Variants in ZBTB46 observed in about 807,000 individuals in gnomAD.
ZBTB46 encodes the protein zinc finger and BTB domain containing 46.
A neutral mutation model predicts 44.1 loss-of-function variants in ZBTB46; 8 were observed. The ratio of observed to expected loss-of-function variants is 0.18; its 90% CI spans 0.11 to 0.33. ZBTB46 has a LOEUF of 0.33. Ranked by LOEUF, ZBTB46 falls within the 10% of genes least tolerant of loss-of-function variation. The probability of loss-of-function intolerance (pLI) is 1.00; values close to 1 mark genes in which losing one functional copy is unlikely to be tolerated. For missense variants in ZBTB46, 651 were observed against 847.7 expected, an observed-to-expected ratio of 0.77 and a Z score of 2.88; for synonymous variants, 409 against 382.3, an observed-to-expected ratio of 1.07 and a Z score of -0.81.
chr20:63,815,627 C>CAGGTGCAGTGGGTACAGGTGGGCAT (rs1229506662), intron 1 of ZBTB46, among the ~76,000 whole-genome samples: 107 of 143,470 alleles, frequency 7.5e-4, no homozygotes, highest in African/African-American at 2.6e-3. Flanking sequence ...GCAGAAGGTG[C>CAGGTGCAGTGGGTACAGGTGGGCAT]AGGTGCAGTG....
Position 63,775,838 on chromosome 20 carries a change from G to A in ZBTB46, c.1062C>T (p.Thr354=). The change falls in exon 3 of 5, where the codon ACC becomes ACT. Residue 354 remains threonine, a synonymous_variant. Transcript: ENST00000245663. ...GEASYLGPPL[T]PEKDDALHQA... ...GATGCAGGGCGTCGTCCTTCTCTGG[G>A]GTGAGGGGAGGGCCCAGATAGCTGG... The A allele has an allele frequency of 6.2e-7, 1 of 1,613,526 alleles. No homozygotes were observed. The highest frequency in any genetic ancestry group is 8.5e-7 in the Non-Finnish European group (1 of 1,180,000).
Position 63,818,214 on chromosome 20 carries a change from C to T in ZBTB46, c.-34+12883G>A, listed in dbSNP as rs375996820. Among the ~76,000 whole-genome samples the T allele has an allele frequency of 3.8e-3, 575 of 152,348 alleles. 1 individual carries two copies. The highest frequency in any genetic ancestry group is 0.014 in the Middle Eastern group (4 of 294). ...CTGGGGTGAGAGCCACTGGCGCCATCCACGCTGCCCCTGCCAGGTGAGGCA... is the reference window on the plus strand; with the variant it reads ...CTGGGGTGAGAGCCACTGGCGCCATTCACGCTGCCCCTGCCAGGTGAGGCA... On this transcript the variant is annotated intron_variant, in intron 1 of 4. Coordinates refer to ENST00000245663, the MANE Select transcript of ZBTB46 (RefSeq NM_001369741.1).
chr20:63,744,436 CTG>C lies in ZBTB46; in HGVS notation c.*2492_*2493del, dbSNP rs1465101073. ...CCCAAATAACACCATCCCCAATGGA[CTG>C]TATTTCCCACTTTGGTGTTGTAAAC... On this transcript the variant is annotated 3_prime_UTR_variant, in exon 5 of 5. Transcript: ENST00000245663. 1.3e-5 allele frequency: 2 copies of C among 152,242 alleles called. No homozygotes were observed. Among genetic ancestry groups the C allele is most frequent in the Non-Finnish European group, 2.9e-5 (2 of 68,048 alleles). The allele number at this position is 152,242 out of a possible 1,614,324, so 9.4% of individuals were successfully genotyped here.
chr20:63,769,982 A>G (rs1444150306), intron 3 of ZBTB46, among the ~76,000 whole-genome samples: 1 of 152,158 alleles, frequency 6.6e-6, no homozygotes, highest in African/African-American at 2.4e-5. Context: ...CCCCGCAGGA[A>G]AGGACTGCAG....
intron 2 of ZBTB46, among the ~76,000 whole-genome samples, chr20:63,783,450 A>C (rs1232230766): frequency 2.0e-5 from 3 of 152,238 alleles, no homozygotes; most frequent in Admixed American, 2.0e-4. Context: ...AAAACAAAAA[A>C]TACTCTGTCC....
chr20:63,757,588 C>A (rs2092232276), intron 3 of ZBTB46, among the ~76,000 whole-genome samples: 1 of 152,154 alleles, frequency 6.6e-6, no homozygotes, highest in Admixed American at 6.5e-5. Flanking sequence ...GACGGCAGCA[C>A]TAGAAGCCTT....
chr20:63,791,536 C>A (rs929572447), intron 1 of ZBTB46, among the ~76,000 whole-genome samples: 15 of 146,912 alleles, frequency 1.0e-4, no homozygotes, highest in African/African-American at 3.5e-4. Context: ...ACACAAAAAA[C>A]CACAGAATAA....
Position 63,744,649 on chromosome 20 carries a change from G to C in ZBTB46, c.*2281C>G, listed in dbSNP as rs538278143. ...TCCTGAGATGGACGTGCTCACCTGGGCCTCGGAAATCCCACACTCTTCAGT... is the reference window on the plus strand; with the variant it reads ...TCCTGAGATGGACGTGCTCACCTGGCCCTCGGAAATCCCACACTCTTCAGT... On this transcript the variant is annotated 3_prime_UTR_variant, in exon 5 of 5. Coordinates refer to ENST00000245663, the MANE Select transcript of ZBTB46 (RefSeq NM_001369741.1). The C allele has an allele frequency of 6.6e-6, 1 of 152,464 alleles. No homozygotes were observed. The allele number at this position is 152,464 out of a possible 1,614,324, so 9.4% of individuals were successfully genotyped here.
rs1258924284 is a variant in ZBTB46 at position 63,745,735 on chromosome 20, CTG to C, written c.*1193_*1194del. On this transcript the variant is annotated 3_prime_UTR_variant, in exon 5 of 5. Coordinates refer to ENST00000245663, the MANE Select transcript of ZBTB46 (RefSeq NM_001369741.1). The stretch of plus-strand genomic sequence containing the variant: ...ACAGGCCGTGGCAACGGTCCCGAGG[CTG>C]TGAGTCTAGGCAGCCTGCCTCCGGG... The C allele has an allele frequency of 1.3e-5, 2 of 152,276 alleles. No homozygotes were observed. Among genetic ancestry groups the C allele is most frequent in the African/African-American group, 4.8e-5 (2 of 41,446 alleles). 9.4% of individuals were successfully genotyped at this position (152,276 alleles called of 1,614,324 possible).
chr20:63,743,855 C>T lies in ZBTB46; in HGVS notation c.*3075G>A, dbSNP rs1049658066. ...GCCATGATTTCCCACCGAGCGATTA[C>T]GAGAACCTCTTCCCCCAATAGTAGA... On this transcript the variant is annotated 3_prime_UTR_variant, in exon 5 of 5. Coordinates refer to ENST00000245663, the MANE Select transcript of ZBTB46 (RefSeq NM_001369741.1). 6.6e-5 allele frequency: 10 copies of T among 152,310 alleles called. No individual in the cohort carries two copies. Among genetic ancestry groups the T allele is most frequent in the African/African-American group, 1.9e-4 (8 of 41,440 alleles). 9.4% of individuals were successfully genotyped at this position (152,310 alleles called of 1,614,324 possible). A position where few individuals can be genotyped will look rare whatever the true frequency, so the allele number is the denominator to read the frequency against.
chr20:63,794,377 T>C (rs1046796575), intron 1 of ZBTB46, among the ~76,000 whole-genome samples: 24 of 152,174 alleles, frequency 1.6e-4, no homozygotes, highest in African/African-American at 5.8e-4. Context: ...TTTTTTGTAG[T>C]GACAGGAGTC....
chr20:63,786,444 G>A (rs1265566629), intron 2 of ZBTB46, among the ~76,000 whole-genome samples: 1 of 152,176 alleles, frequency 6.6e-6, no homozygotes, highest in Non-Finnish European at 1.5e-5. Context: ...GCCTCACGAT[G>A]GAGCACAACT....
At chr20:63,762,147 G>C (rs2092282802) in intron 3 of ZBTB46, among the ~76,000 whole-genome samples, 1 of 152,158 alleles carries the variant, frequency 6.6e-6, no homozygotes, top group African/African-American at 2.4e-5. Context: ...CAATAATACA[G>C]AAAAAGAATA....
chr20:63,818,626 C>T (rs1171618638), intron 1 of ZBTB46, among the ~76,000 whole-genome samples: 3 of 151,948 alleles, frequency 2.0e-5, no homozygotes, highest in Admixed American at 6.6e-5. Flanking sequence ...GATGCCGAGG[C>T]GGACAGATCA....
In ZBTB46 at chr20:63,764,728, G is replaced by A. The variant is rs1303714521; in HGVS notation, c.1222+10950C>T. The stretch of plus-strand genomic sequence containing the variant: ...AACAGTTCTCCTGCCTCAGCCTCCC[G>A]AGTAGCTGGGATTACAGGTGTGTGC... On this transcript the variant is annotated intron_variant, in intron 3 of 4. Transcript: ENST00000245663. Among the ~76,000 whole-genome samples the A allele has an allele frequency of 6.7e-5, 10 of 149,404 alleles. No individual in the cohort carries two copies. In the East Asian group the frequency reaches 1.6e-3, roughly 24 times the overall value.
At chr20:63,802,201 T>C (rs1282248571) in intron 1 of ZBTB46, among the ~76,000 whole-genome samples, 5 of 152,070 alleles carry the variant, frequency 3.3e-5, no homozygotes, top group South Asian at 2.1e-4. Flanking sequence ...GGCAGGCAGA[T>C]TGCTTGAGGC....
chr20:63,804,243 C>T (rs1363564092), intron 1 of ZBTB46, among the ~76,000 whole-genome samples: 10 of 152,146 alleles, frequency 6.6e-5, no homozygotes, highest in South Asian at 2.1e-4. Flanking sequence ...GTGCCTGGCT[C>T]GGGCCATGTG....
At chr20:63,808,392 AG>A (rs1299299063) in intron 1 of ZBTB46, among the ~76,000 whole-genome samples, 2 of 152,104 alleles carry the variant, frequency 1.3e-5, no homozygotes, top group Non-Finnish European at 2.9e-5. Flanking sequence ...CCGGGGCTTC[AG>A]GGGGGCGTGG....
At chr20:63,827,382 T>A (rs1025966807) in intron 1 of ZBTB46, among the ~76,000 whole-genome samples, 5 of 146,444 alleles carry the variant, frequency 3.4e-5, no homozygotes, top group African/African-American at 1.0e-4. Flanking sequence ...CCGAGGCGGG[T>A]GGATCATGAG....
Sources: allele counts gnomAD v4.1 joint callset (sites outside exome capture counted in the v4.1 genomes callset), GRCh38; gene constraint gnomAD v4.1.1; transcripts MANE v1.5; gene names NCBI Gene and HGNC (gene_info 2026-07-23, HGNC 2026-07-21).